The following PCDHGA5 variants were observed in gnomAD, a reference collection of about 807,000 sequenced individuals.
The protein encoded by PCDHGA5 is protocadherin gamma subfamily A, 5.
A neutral mutation model predicts 56.7 loss-of-function variants in PCDHGA5; 36 were observed. That is an observed-to-expected ratio of 0.64 (90% CI 0.49 to 0.84). The LOEUF is 0.84. Ranked by LOEUF, PCDHGA5 falls within the 40% of genes least tolerant of loss-of-function variation. The pLI, the probability that PCDHGA5 is intolerant of heterozygous loss-of-function variation, is 0.00. For missense variants in PCDHGA5, 1,305 were observed against 1,201.5 expected, an observed-to-expected ratio of 1.09 and a Z score of -1.27; for synonymous variants, 563 against 520.2, an observed-to-expected ratio of 1.08 and a Z score of -1.12.
intron 1 of PCDHGA5, chr5:141,423,194 C>T (rs1467994226): frequency 3.7e-6 from 6 of 1,613,588 alleles, no homozygotes; most frequent in South Asian, 1.1e-5. Context: ...CCCCCTCTCT[C>T]GGCCACCGTC....
chr5:141,383,044 G>A, intron 1 of PCDHGA5: 2 of 1,613,876 alleles, frequency 1.2e-6, no homozygotes, highest in Non-Finnish European at 1.7e-6. Flanking sequence ...GGGAGACATC[G>A]CCAAGGACCT....
intron 1 of PCDHGA5, chr5:141,400,399 A>G: frequency 6.2e-7 from 1 of 1,614,054 alleles, no homozygotes; most frequent in Non-Finnish European, 8.5e-7. Context: ...TACAGGAAAG[A>G]CGGAGTTTAA....
intron 1 of PCDHGA5, chr5:141,412,079 T>C (rs148830663): frequency 3.3e-4 from 50 of 152,342 alleles, no homozygotes; most frequent in African/African-American, 1.1e-3. Context: ...GAACAATTGC[T>C]ACTGGGTTGA....
intron 1 of PCDHGA5, chr5:141,409,914 G>C: frequency 6.2e-7 from 1 of 1,613,348 alleles, no homozygotes; most frequent in East Asian, 2.2e-5. Context: ...GGTCCTGACG[G>C]CTCCGCGTTC....
intron 1 of PCDHGA5, chr5:141,408,708 A>G (rs773303576): frequency 6.2e-6 from 10 of 1,612,888 alleles, no homozygotes; most frequent in Non-Finnish European, 8.5e-6. Flanking sequence ...TCAATTAAAG[A>G]TTATAAGATA....
At chr5:141,416,004 A>G (rs1225801773) in intron 1 of PCDHGA5, 2 of 254,264 alleles carry the variant, frequency 7.9e-6, no homozygotes, top group Non-Finnish European at 1.4e-5. Flanking sequence ...CAGGTCTGGT[A>G]AGAATAGGTA....
intron 1 of PCDHGA5, chr5:141,422,019 G>T (rs777239843): frequency 1.9e-6 from 3 of 1,610,862 alleles, no homozygotes; most frequent in Non-Finnish European, 2.5e-6. Context: ...GGGTGCTGAT[G>T]GTTAATGCAA....
At chr5:141,395,560 G>T (rs868147032) in intron 1 of PCDHGA5, 1 of 206,840 alleles carries the variant, frequency 4.8e-6, no homozygotes, top group South Asian at 1.4e-4. Context: ...GTGTGTGTGT[G>T]TGTGTGTGTG....
intron 1 of PCDHGA5, chr5:141,404,976 T>G (rs373850794): frequency 4.3e-6 from 7 of 1,614,002 alleles, no homozygotes; most frequent in Non-Finnish European, 5.9e-6. Context: ...CTGGCTGACC[T>G]GGGCAGTCTT....
At chr5:141,403,390 G>A in intron 1 of PCDHGA5, 1 of 1,614,038 alleles carries the variant, frequency 6.2e-7, no homozygotes, top group Non-Finnish European at 8.5e-7. Context: ...ACGAAATCGC[G>A]GTTCCTGGAG....
intron 1 of PCDHGA5, chr5:141,424,411 C>T (rs1259102577): frequency 6.6e-6 from 1 of 152,154 alleles, no homozygotes; most frequent in Admixed American, 6.5e-5. Flanking sequence ...GGTGAAGTTA[C>T]ATTGACTGTT....
intron 1 of PCDHGA5, chr5:141,407,909 G>T: frequency 4.7e-6 from 2 of 425,700 alleles, no homozygotes; most frequent in Non-Finnish European, 8.3e-6. Context: ...TGAAAAACCG[G>T]GCTGCTGTCC....
rs763433178 is a variant in PCDHGA5, at chr5:141,409,635, A to G, written c.2421+42884A>G. On this transcript the variant is annotated intron_variant, in intron 1 of 3. Transcript: ENST00000518069. ...TCCATTGCGCAAGTGAGCGCCTCTG[A>G]CCCGGATTTGGGGCTCAATGGCCAC... 3 of 1,613,784 alleles carry G rather than the reference A, an allele frequency of 1.9e-6. No individual in the cohort carries two copies. The South Asian group carries it at 3.3e-5, about 18-fold the overall frequency.
intron 1 of PCDHGA5, chr5:141,393,380 C>T (rs771237283): frequency 6.2e-7 from 1 of 1,613,988 alleles, no homozygotes; most frequent in South Asian, 1.1e-5. Context: ...ACAATGGAGC[C>T]ATAAACCCAG....
Position 141,489,555 on chromosome 5 carries a change from A to G in PCDHGA5, c.2422-5252A>G, listed in dbSNP as rs909307566. ...GAGCCAGCACCAGCTGCCTGCTGCC[A>G]GTGCAGGTGGTGACTGAACACCCCC... is the stretch of plus-strand genomic sequence containing the variant. On this transcript the variant is annotated intron_variant, in intron 1 of 3. Transcript: ENST00000518069. The surrounding 1 kb of genome is among the most constrained non-coding windows in gnomAD (Gnocchi z 4.5). 2.5e-6 allele frequency: 4 copies of G among 1,613,998 alleles called. No homozygotes were observed. The African/African-American group carries it at 5.3e-5, about 22-fold the overall frequency.
chr5:141,412,898 C>T (rs1300324880), intron 1 of PCDHGA5: 2 of 361,136 alleles, frequency 5.5e-6, no homozygotes, highest in Non-Finnish European at 9.8e-6. Context: ...AGTTTACTTT[C>T]CATTGCATGT....
At chr5:141,372,346 A>G (rs781226207) in intron 1 of PCDHGA5, 1 of 1,613,714 alleles carries the variant, frequency 6.2e-7, no homozygotes, top group African/African-American at 1.3e-5. Flanking sequence ...GATGGAGGAC[A>G]GCAGCCTCTT....
intron 1 of PCDHGA5, chr5:141,393,706 C>T: frequency 1.2e-6 from 2 of 1,613,798 alleles, no homozygotes; most frequent in African/African-American, 1.3e-5. Flanking sequence ...AATGAAAATA[C>T]TGGGGAAATA....
chr5:141,375,253 C>G, intron 1 of PCDHGA5: 1 of 1,613,916 alleles, frequency 6.2e-7, no homozygotes, highest in Non-Finnish European at 8.5e-7. Flanking sequence ...CGAGAAGTCT[C>G]CCATTTGAAT....
Sources: gnomAD v4.1 joint callset for allele counts on GRCh38, gnomAD v4.1.1 for gene constraint, Gnocchi (gnomAD v3.1) non-coding constraint, MANE v1.5 for transcripts, NCBI Gene and HGNC (gene_info 2026-07-23, HGNC 2026-07-21) for gene names.